Variants in SGK1 observed in about 807,000 individuals in gnomAD.
SGK1 encodes serine/threonine-protein kinase Sgk1.
SGK1 carries 26 observed loss-of-function variants against 64.2 expected under a neutral mutation model. The observed-to-expected ratio is 0.40, with a 90% CI of 0.30 to 0.56. The LOEUF (loss-of-function observed/expected upper bound fraction) is 0.56, where lower values mean the gene tolerates loss of function less well. Among genes scored for constraint, SGK1 ranks in the 20% least tolerant of loss-of-function variants. The pLI is 0.38. For missense variants in SGK1, 519 were observed against 645.6 expected (o/e 0.80, Z 2.12); for synonymous variants, 265 against 239.7 (o/e 1.11, Z -0.98).
intron 3 of SGK1, among the ~76,000 whole-genome samples, chr6:134,202,291 T>C (rs1021546998): frequency 6.6e-5 from 10 of 152,272 alleles, no homozygotes; most frequent in Non-Finnish European, 1.2e-4. Context: ...GTATTTCCAT[T>C]TATAAAGACA....
intron 2 of SGK1, among the ~76,000 whole-genome samples, chr6:134,241,616 G>GTTTA (rs1554223796): frequency 1.3e-5 from 2 of 151,510 alleles, no homozygotes; most frequent in African/African-American, 2.4e-5. Context: ...CAACAAACTT[G>GTTTA]TTTATTTATT....
intron 2 of SGK1, among the ~76,000 whole-genome samples, chr6:134,213,405 T>C (rs2114693151): frequency 6.6e-6 from 1 of 151,882 alleles, no homozygotes; most frequent in African/African-American, 2.4e-5. Flanking sequence ...CCTGTAATCC[T>C]AGCTACTCTG....
chr6:134,175,766 G>T, intron 3 of SGK1: 1 of 1,337,088 alleles, frequency 7.5e-7, no homozygotes, highest in Non-Finnish European at 9.6e-7. Flanking sequence ...TTCCTGCCCC[G>T]AGTCCCAAAA....
chr6:134,197,291 G>T (rs1775608486), intron 3 of SGK1, among the ~76,000 whole-genome samples: 1 of 152,092 alleles, frequency 6.6e-6, no homozygotes, highest in South Asian at 2.1e-4. Context: ...TTATTTTGGG[G>T]AGTAGTGGAA....
intron 2 of SGK1, among the ~76,000 whole-genome samples, chr6:134,227,275 C>T (rs1776199463): frequency 6.6e-6 from 1 of 152,198 alleles, no homozygotes; most frequent in South Asian, 2.1e-4. Flanking sequence ...GCTGGGATTA[C>T]AGGCGTCCAC....
At chr6:134,224,625 T>G (rs1331986391) in intron 2 of SGK1, among the ~76,000 whole-genome samples, 1 of 152,248 alleles carries the variant, frequency 6.6e-6, no homozygotes, top group Admixed American at 6.5e-5. Context: ...CTATTTATTT[T>G]TACAGGGCAA....
At chr6:134,176,826 GC>G (rs1775246006) in intron 3 of SGK1, among the ~76,000 whole-genome samples, 1 of 152,180 alleles carries the variant, frequency 6.6e-6, no homozygotes, top group African/African-American at 2.4e-5. Context: ...TCCTTGGTTT[GC>G]TTTGTTGCAA....
intron 2 of SGK1, among the ~76,000 whole-genome samples, chr6:134,246,117 G>A (rs766853253): frequency 2.0e-5 from 3 of 151,142 alleles, no homozygotes; most frequent in Admixed American, 6.6e-5. Context: ...ATCATCATAT[G>A]ATCTTCATGG....
At chr6:134,171,759 T>G in intron 10 of SGK1, 27 bp from the exon 11 acceptor site, 1 of 1,504,432 alleles carries the variant, frequency 6.6e-7, no homozygotes, top group Non-Finnish European at 9.2e-7. Context: ...GGAAACAGCG[T>G]TTAGAACCTG....
intron 1 of SGK1, among the ~76,000 whole-genome samples, chr6:134,264,149 C>T (rs1223837717): frequency 6.7e-6 from 1 of 148,158 alleles, no homozygotes; most frequent in Non-Finnish European, 1.5e-5. Context: ...GACAGAGTCT[C>T]GCTCTGTTGC....
At chr6:134,245,293 T>C (rs572917052) in intron 2 of SGK1, among the ~76,000 whole-genome samples, 15 of 152,344 alleles carry the variant, frequency 9.8e-5, no homozygotes, top group Non-Finnish European at 2.1e-4. Context: ...AGTGACTATG[T>C]CTTAGAATTA....
intron 3 of SGK1, chr6:134,175,022 T>C (rs1346321150): frequency 4.4e-6 from 4 of 910,048 alleles, no homozygotes; most frequent in East Asian, 3.2e-5. Flanking sequence ...CGGGCGGTTC[T>C]GTCCCCATTG....
At chr6:134,183,460 G>A (rs1775363080) in intron 3 of SGK1, among the ~76,000 whole-genome samples, 1 of 152,184 alleles carries the variant, frequency 6.6e-6, no homozygotes, top group Non-Finnish European at 1.5e-5. Context: ...GACAGGCACT[G>A]TCTTAAGCCC....
intron 2 of SGK1, among the ~76,000 whole-genome samples, chr6:134,220,905 C>T (rs1378975752): frequency 6.6e-6 from 1 of 151,716 alleles, no homozygotes; most frequent in African/African-American, 2.4e-5. Flanking sequence ...TCACTTGAAC[C>T]CGGGAGGCAG....
At chr6:134,257,882 G>A (rs1388108711) in intron 2 of SGK1, among the ~76,000 whole-genome samples, 1 of 152,118 alleles carries the variant, frequency 6.6e-6, no homozygotes, top group Non-Finnish European at 1.5e-5. Flanking sequence ...AATTTTTATA[G>A]GAGAGAACAC....
intron 1 of SGK1, among the ~76,000 whole-genome samples, chr6:134,316,874 C>T (rs897077204): frequency 6.6e-6 from 1 of 151,236 alleles, no homozygotes; most frequent in Non-Finnish European, 1.5e-5. Context: ...TACTCCTTTG[C>T]TATTTATACC....
intron 2 of SGK1, among the ~76,000 whole-genome samples, chr6:134,258,687 A>T (rs1222151426): frequency 2.0e-5 from 3 of 152,210 alleles, no homozygotes; most frequent in African/African-American, 7.2e-5. Flanking sequence ...AGCCTGGGTG[A>T]CAGGGCGAGA....
At chr6:134,177,734 C>T (rs1239446337) in intron 3 of SGK1, 3 of 1,613,964 alleles carry the variant, frequency 1.9e-6, no homozygotes, top group Admixed American at 3.3e-5. Context: ...TTGGGGATTA[C>T]TTCTGGAGGC....
chr6:134,303,869 T>A (rs1777495723), intron 1 of SGK1, among the ~76,000 whole-genome samples: 2 of 152,176 alleles, frequency 1.3e-5, no homozygotes, highest in African/African-American at 2.4e-5. Flanking sequence ...GAGGTGAAGT[T>A]TATTTTCCTT....
Sources: allele counts gnomAD v4.1 joint callset (sites outside exome capture counted in the v4.1 genomes callset), GRCh38; gene constraint gnomAD v4.1.1; transcripts MANE v1.5; gene names NCBI Gene and HGNC (gene_info 2026-07-23, HGNC 2026-07-21).